The following ZBBX variants were observed in gnomAD, a reference collection of about 807,000 sequenced individuals.
The protein encoded by ZBBX is zinc finger B-box domain containing.
Under a neutral mutation model 108.5 loss-of-function variants are expected in ZBBX, and 101 were observed. The observed-to-expected ratio is 0.93, with a 90% CI of 0.79 to 1.10. The LOEUF (loss-of-function observed/expected upper bound fraction) is 1.10, where lower values mean the gene tolerates loss of function less well. Ranked by LOEUF, ZBBX falls within the 50% of genes least tolerant of loss-of-function variation. The pLI is 0.00. For missense variants in ZBBX, 1,009 were observed against 941.4 expected (o/e 1.07, Z -0.94); for synonymous variants, 356 against 323.4 (o/e 1.10, Z -1.08).
intron 9 of ZBBX, among the ~76,000 whole-genome samples, chr3:167,337,388 G>T (rs890188383): frequency 2.6e-5 from 4 of 152,042 alleles, no homozygotes; most frequent in African/African-American, 9.7e-5. Context: ...ACCTGGTGTT[G>T]CATGCCTGTA....
At chr3:167,197,475 T>C in the ZBBX span, among the ~76,000 whole-genome samples, 8 of 151,980 alleles carry the variant, frequency 5.3e-5, no homozygotes, top group African/African-American at 1.9e-4. Flanking sequence ...GAGGTGGAGC[T>C]TGCAGTGAGC....
chr3:167,350,532 T>A lies in ZBBX; in HGVS notation c.433-17A>T, dbSNP rs769251148. 1.2e-4 allele frequency: 178 copies of A among 1,513,766 alleles called. No homozygotes were observed. The highest frequency in any genetic ancestry group is 1.8e-4 in the African/African-American group (13 of 72,598). 93.8% of individuals were successfully genotyped at this position (1,513,766 alleles called of 1,614,324 possible). On this transcript the variant is annotated splice_polypyrimidine_tract_variant and intron_variant, in intron 8 of 21. Coordinates refer to ENST00000675490, the MANE Select transcript of ZBBX (RefSeq NM_001199201.2). The stretch of plus-strand genomic sequence containing the variant: ...AAGGCATACCTAAAAAGATATTTTT[T>A]AAAAAATTATACAATCTTATAAAAT...
intron 1 of ZBBX, among the ~76,000 whole-genome samples, chr3:167,388,692 C>T (rs2108635847): frequency 6.6e-6 from 1 of 152,094 alleles, no homozygotes; most frequent in South Asian, 2.1e-4. Context: ...TAAAAGGTAC[C>T]TAGGCTCCTT....
At chr3:167,262,773 A>G (rs1724778215) in intron 20 of ZBBX, among the ~76,000 whole-genome samples, 1 of 152,184 alleles carries the variant, frequency 6.6e-6, no homozygotes, top group South Asian at 2.1e-4. Flanking sequence ...AGTAGCCACT[A>G]ATGATCCTCT....
At chr3:167,360,128 A>G (rs1744270025) in intron 7 of ZBBX, 149 bp from the exon 8 acceptor site, 1 of 215,038 alleles carries the variant, frequency 4.7e-6, no homozygotes. Context: ...AATTATATAT[A>G]TTCATAATAA....
the ZBBX span, among the ~76,000 whole-genome samples, chr3:167,196,537 A>C: frequency 6.6e-6 from 1 of 152,230 alleles, no homozygotes; most frequent in Admixed American, 6.5e-5. Flanking sequence ...TTATTTAAGC[A>C]GATGATTCTT....
chr3:167,224,406 C>T, the ZBBX span, among the ~76,000 whole-genome samples: 126 of 151,794 alleles, frequency 8.3e-4, 1 homozygote, highest in Middle Eastern at 3.4e-3. Context: ...TGTCACTATA[C>T]GGTGACTATA....
the ZBBX span, among the ~76,000 whole-genome samples, chr3:167,213,829 A>G: frequency 9.2e-5 from 14 of 152,112 alleles, no homozygotes; most frequent in Admixed American, 8.5e-4. Context: ...CTAATAGCAG[A>G]CCTCTCAGCT....
intron 3 of ZBBX, 150 bp from the exon 4 acceptor site, chr3:167,373,100 T>C (rs1434528896): frequency 1.3e-5 from 6 of 473,626 alleles, no homozygotes; most frequent in Non-Finnish European, 2.2e-5. Context: ...TATACACTGT[T>C]AGCCCTTTGT....
At chr3:167,225,237 C>T in the ZBBX span, among the ~76,000 whole-genome samples, 2 of 151,878 alleles carry the variant, frequency 1.3e-5, no homozygotes, top group African/African-American at 4.8e-5. Flanking sequence ...TTTACTGCTG[C>T]TGCCATGAGT....
intron 6 of ZBBX, among the ~76,000 whole-genome samples, chr3:167,361,309 A>G (rs539992750): frequency 1.5e-4 from 23 of 152,186 alleles, no homozygotes; most frequent in Non-Finnish European, 3.1e-4. Flanking sequence ...CAAATAAATC[A>G]TCACTTAAAA....
chr3:167,386,865 C>T (rs1330214195), intron 1 of ZBBX, among the ~76,000 whole-genome samples: 1 of 151,976 alleles, frequency 6.6e-6, no homozygotes, highest in African/African-American at 2.4e-5. Flanking sequence ...AGGCACAAAA[C>T]AAGAGTTACA....
chr3:167,398,294 T>C (rs369378456), intron 1 of ZBBX, among the ~76,000 whole-genome samples: 4 of 152,220 alleles, frequency 2.6e-5, no homozygotes, highest in African/African-American at 9.6e-5. Flanking sequence ...ACTTTAACTG[T>C]GAAATGCAAA....
rs79488530 is a variant in ZBBX at position 167,254,181 on chromosome 3, A to G, written c.2255-11538T>C. On this transcript the variant is annotated intron_variant, in intron 20 of 21. Coordinates refer to ENST00000675490, the MANE Select transcript of ZBBX (RefSeq NM_001199201.2). ...AGAGAAAGCAGTTTTTCTGGGACAC[A>G]CACACTGACATATTTTTTTGTAAAG... Among the ~76,000 whole-genome samples the G allele has an allele frequency of 1.2e-4, 19 of 152,294 alleles. No homozygotes were observed. In the East Asian group the frequency reaches 3.5e-3, roughly 28 times the overall value.
intron 8 of ZBBX, among the ~76,000 whole-genome samples, chr3:167,357,643 G>A (rs1027342309): frequency 6.6e-6 from 1 of 152,056 alleles, no homozygotes; most frequent in African/African-American, 2.4e-5. Flanking sequence ...ACAAAATATG[G>A]CACATACATA....
rs1729009621 is a variant in ZBBX at position 167,282,595 on chromosome 3, T to A, written c.1997-100A>T. The A allele has an allele frequency of 4.0e-6, 4 of 1,008,168 alleles. No individual in the cohort carries two copies. The Admixed American group carries it at 1.0e-4, about 25-fold the overall frequency. The allele number at this position is 1,008,168 out of a possible 1,614,324, so 62.5% of individuals were successfully genotyped here. On this transcript the variant is annotated intron_variant, in intron 19 of 21. Coordinates refer to ENST00000675490, the MANE Select transcript of ZBBX (RefSeq NM_001199201.2). ...GGTCCCTGCACACAGAGAAGTTAAG[T>A]TCATGTAACAGAGTTTATGAAAAGT... is the stretch of plus-strand genomic sequence containing the variant.
At position 167,333,806 on chromosome 3, in the gene ZBBX, A is replaced by G. The variant is rs747134779; in HGVS notation, c.687+21T>C. ...TAGTTACATATGTCAGAAAATGTCT[A>G]CTATATTTTCCTCAGTTTACCTCAG... On this transcript the variant is annotated intron_variant, in intron 10 of 21. Transcript: ENST00000675490. The G allele has an allele frequency of 6.4e-6, 10 of 1,565,060 alleles. No homozygotes were observed. In the East Asian group the frequency reaches 2.0e-4, roughly 32 times the overall value.
At chr3:167,283,320 C>G (rs1352997499) in intron 19 of ZBBX, among the ~76,000 whole-genome samples, 3 of 152,100 alleles carry the variant, frequency 2.0e-5, no homozygotes, top group South Asian at 2.1e-4. Flanking sequence ...AAGGCCAAGA[C>G]AGTTTTCAAG....
At chr3:167,251,289 T>C (rs1424121960) in intron 20 of ZBBX, among the ~76,000 whole-genome samples, 1 of 152,220 alleles carries the variant, frequency 6.6e-6, no homozygotes, top group Non-Finnish European at 1.5e-5. Flanking sequence ...GAACCTGGGA[T>C]ACAGAAAGCC....
Sources: gnomAD v4.1 joint callset for allele counts (sites outside exome capture counted in the v4.1 genomes callset) on GRCh38, gnomAD v4.1.1 for gene constraint, MANE v1.5 for transcripts, NCBI Gene and HGNC (gene_info 2026-07-23, HGNC 2026-07-21) for gene names.